The following CACNA1A variants were observed in gnomAD, a reference collection of about 807,000 sequenced individuals.
The protein encoded by CACNA1A is calcium voltage-gated channel subunit alpha1 A.
Under a neutral mutation model 262.4 loss-of-function variants are expected in CACNA1A, and 57 were observed. The ratio of observed to expected loss-of-function variants is 0.22; its 90% CI spans 0.18 to 0.27. The LOEUF is 0.27. CACNA1A is among the 10% of genes least tolerant of loss of function. The probability of loss-of-function intolerance (pLI) is 1.00; values close to 1 mark genes in which losing one functional copy is unlikely to be tolerated. For missense variants in CACNA1A, 2,526 were observed against 3,562.8 expected, an observed-to-expected ratio of 0.71 and a Z score of 7.41; for synonymous variants, 1,431 against 1,419.3, an observed-to-expected ratio of 1.01 and a Z score of -0.18.
intron 11 of CACNA1A, chr19:13,316,622 G>T (rs1478455223): frequency 6.6e-6 from 1 of 151,616 alleles, no homozygotes; most frequent in African/African-American, 2.4e-5. Flanking sequence ...GAAGCAGAAG[G>T]TTTGAAAGAA....
rs751649216 is a variant in CACNA1A, at chr19:13,286,651, G to A, written c.3405C>T (p.Gly1135=). 6.5e-7 allele frequency: 1 copy of A among 1,531,466 alleles called. No individual in the cohort carries two copies. The highest frequency in any genetic ancestry group is 8.8e-7 in the Non-Finnish European group (1 of 1,139,102). The allele number at this position is 1,531,466 out of a possible 1,614,324, so 94.9% of individuals were successfully genotyped here. The part of the protein sequence containing the change: ...PNNPGNPSNP[G]PPKTPENSLI... ...GGCTATTCTCGGGGGTCTTGGGGGG[G>A]CCGGGATTGGATGGGTTCCCCGGGT... is the stretch of plus-strand genomic sequence containing the variant. The change falls in exon 20 of 47, where the codon GGC becomes GGT. Residue 1135 remains glycine, a synonymous_variant. Transcript: ENST00000360228.
intron 1 of CACNA1A, among the ~76,000 whole-genome samples, chr19:13,457,805 A>T (rs1456489042): frequency 2.0e-5 from 3 of 149,092 alleles, no homozygotes; most frequent in African/African-American, 2.5e-5. Context: ...GTGAGCCAAG[A>T]TTGTGCCATT....
intron 29 of CACNA1A, among the ~76,000 whole-genome samples, 198 bp from the exon 30 acceptor site, chr19:13,253,299 C>T (rs1488953715): frequency 1.5e-5 from 2 of 129,084 alleles, no homozygotes; most frequent in African/African-American, 5.8e-5. Flanking sequence ...TCCAAAAAAA[C>T]AAAAACCTCC....
intron 6 of CACNA1A, among the ~76,000 whole-genome samples, chr19:13,343,935 A>T (rs1600382002): frequency 6.6e-6 from 1 of 152,092 alleles, no homozygotes. Context: ...CAGAGGCCAG[A>T]TGTGGTGGCT....
intron 1 of CACNA1A, among the ~76,000 whole-genome samples, chr19:13,491,315 T>C (rs1255340321): frequency 6.6e-6 from 1 of 152,138 alleles, no homozygotes; most frequent in Non-Finnish European, 1.5e-5. Context: ...GGGGCTGGGA[T>C]GAAGTTCTCA....
Position 13,308,270 on chromosome 19 carries a change from C to T in CACNA1A, c.1782-19G>A, listed in dbSNP as rs745683117. On this transcript the variant is annotated intron_variant, in intron 13 of 46. Coordinates refer to ENST00000360228, the MANE Select transcript of CACNA1A (RefSeq NM_001127222.2). This position sits in a 1 kb window ranked among gnomAD's most constrained non-coding sequence, Gnocchi z 4.2. ...CCAGTACCTGCCGACAGAGGCCAGG[C>T]GAGGACTCAGGCCAGGCGGGGGAGG... The T allele has an allele frequency of 8.7e-6, 14 of 1,605,942 alleles. No individual in the cohort carries two copies. The East Asian group carries it at 1.8e-4, about 21-fold the overall frequency.
At chr19:13,281,607 C>T (rs558467493) in intron 22 of CACNA1A, among the ~76,000 whole-genome samples, 1 of 152,010 alleles carries the variant, frequency 6.6e-6, no homozygotes, top group South Asian at 2.1e-4. Flanking sequence ...CACCTCCCCC[C>T]TCCTGTCGTG....
At position 13,321,025 on chromosome 19, in the gene CACNA1A, C is replaced by CT. The variant is rs55792271; in HGVS notation, c.1346-3705dup. Among the ~76,000 whole-genome samples the CT allele has an allele frequency of 7.3e-3, 996 of 135,858 alleles. 5 individuals carry two copies. Among genetic ancestry groups the CT allele is most frequent in the African/African-American group, 0.018 (660 of 36,312 alleles). The allele number at this position is 135,858 out of a possible 152,430, so 89.1% of individuals were successfully genotyped here. A position where few individuals can be genotyped will look rare whatever the true frequency, so the allele number is the denominator to read the frequency against. ...GGTACCAGTCTGAAATGTTCTTTTC[C>CT]TTTTTTTTTTTTTTTCTTTTTTTTT... On this transcript the variant is annotated intron_variant, in intron 10 of 46. Transcript: ENST00000360228.
chr19:13,393,233 C>T (rs550060853), intron 3 of CACNA1A, among the ~76,000 whole-genome samples: 3 of 152,334 alleles, frequency 2.0e-5, no homozygotes, highest in Non-Finnish European at 4.4e-5. Context: ...GTAGAAAGCA[C>T]CAAACTGCCC....
At chr19:13,211,093 C>G (rs559818701) in intron 43 of CACNA1A, 1 of 204,018 alleles carries the variant, frequency 4.9e-6, no homozygotes, top group Admixed American at 5.3e-5. Context: ...GCAGCTCGGT[C>G]CTGAGGGAGC....
chr19:13,312,527 G>T, intron 12 of CACNA1A, 142 bp downstream of exon 12: 1 of 593,390 alleles, frequency 1.7e-6, no homozygotes, highest in Non-Finnish European at 2.9e-6. Context: ...CAGTGTTTGG[G>T]ATTGTTTTCT....
intron 10 of CACNA1A, among the ~76,000 whole-genome samples, chr19:13,319,087 G>A (rs567433306): frequency 5.3e-5 from 8 of 151,260 alleles, no homozygotes; most frequent in Non-Finnish European, 1.2e-4. Flanking sequence ...TAGCAATGAG[G>A]TCTCCCTGTG....
At chr19:13,246,293 T>C (rs551509880) in intron 30 of CACNA1A, among the ~76,000 whole-genome samples, 3 of 152,280 alleles carry the variant, frequency 2.0e-5, no homozygotes, top group South Asian at 4.1e-4. Context: ...CCTGGTCCCC[T>C]TGTGTTTAGA....
intron 3 of CACNA1A, among the ~76,000 whole-genome samples, chr19:13,450,044 G>A (rs532672499): frequency 6.7e-6 from 1 of 150,056 alleles, no homozygotes; most frequent in Admixed American, 6.7e-5. Context: ...GGGAGGCTGA[G>A]GCAGGAGAAT....
At chr19:13,283,506 G>A in intron 21 of CACNA1A, 110 bp from the exon 22 acceptor site, 1 of 1,396,846 alleles carries the variant, frequency 7.2e-7, no homozygotes. Flanking sequence ...CAACCCCCAA[G>A]GCCTCCTACA....
intron 3 of CACNA1A, among the ~76,000 whole-genome samples, chr19:13,440,739 C>T (rs1407865093): frequency 6.6e-6 from 1 of 152,184 alleles, no homozygotes; most frequent in Non-Finnish European, 1.5e-5. Context: ...AAACCCAGCC[C>T]AGCATGGGTC....
chr19:13,500,528 G>C (rs377713398), intron 1 of CACNA1A, among the ~76,000 whole-genome samples: 2 of 152,216 alleles, frequency 1.3e-5, no homozygotes, highest in African/African-American at 4.8e-5. Context: ...CTAAGCCATC[G>C]AGGCCAGACG....
intron 3 of CACNA1A, among the ~76,000 whole-genome samples, chr19:13,431,839 G>A (rs1331107810): frequency 5.3e-5 from 8 of 152,048 alleles, no homozygotes; most frequent in African/African-American, 1.7e-4. Context: ...GAGGCCGGGC[G>A]TGGTGGCCCA....
chr19:13,211,700 G>A (rs1194164319), intron 43 of CACNA1A: 1 of 234,482 alleles, frequency 4.3e-6, no homozygotes, highest in Non-Finnish European at 8.5e-6. Flanking sequence ...ACATGTGTGT[G>A]CATGTATGTT....
Sources: allele counts gnomAD v4.1 joint callset (sites outside exome capture counted in the v4.1 genomes callset), GRCh38; gene constraint gnomAD v4.1.1; non-coding constraint Gnocchi (gnomAD v3.1); transcripts MANE v1.5; gene names NCBI Gene and HGNC (gene_info 2026-07-23, HGNC 2026-07-21).